The following LEF1 variants were observed in gnomAD, a reference collection of about 807,000 sequenced individuals.
LEF1 encodes lymphoid enhancer-binding factor 1.
A neutral mutation model predicts 51.2 loss-of-function variants in LEF1; 14 were observed. That is an observed-to-expected ratio of 0.27 (90% confidence interval 0.18 to 0.43). The LOEUF is 0.43. LEF1 is among the 20% of genes least tolerant of loss of function. The pLI is 1.00. For synonymous variants in LEF1, 185 were observed against 183.2 expected, an observed-to-expected ratio of 1.01 and a Z score of -0.08; for missense variants, 386 against 512.0, an observed-to-expected ratio of 0.75 and a Z score of 2.37.
At chr4:108,166,884 GC>G in intron 1 of LEF1, 1 of 897,366 alleles carries the variant, frequency 1.1e-6, no homozygotes, top group Non-Finnish European at 1.3e-6. Flanking sequence ...CGGTGGGTCG[GC>G]TCGGCGCACC....
intron 11 of LEF1, among the ~76,000 whole-genome samples, chr4:108,051,611 T>C (rs1238066060): frequency 6.6e-6 from 1 of 152,180 alleles, no homozygotes; most frequent in Non-Finnish European, 1.5e-5. Flanking sequence ...GCGGCTGGGC[T>C]TCAAAGGGAG....
intron 3 of LEF1, among the ~76,000 whole-genome samples, chr4:108,100,300 A>C (rs561243451): frequency 1.3e-5 from 2 of 152,326 alleles, no homozygotes; most frequent in East Asian, 3.9e-4. Context: ...TTATTTCAAA[A>C]AAGAGGAAGC....
chr4:108,051,738 G>A (rs1032743033), intron 11 of LEF1, among the ~76,000 whole-genome samples: 5 of 150,966 alleles, frequency 3.3e-5, no homozygotes, highest in Non-Finnish European at 4.4e-5. Context: ...CCATATAACC[G>A]AACCCCCCTG....
intron 2 of LEF1, 59 bp downstream of exon 2, chr4:108,165,038 T>C (rs774104293): frequency 6.3e-5 from 92 of 1,462,996 alleles, no homozygotes; most frequent in Non-Finnish European, 8.2e-5. Flanking sequence ...AACACACCTA[T>C]TTATACAAAT....
intron 4 of LEF1, among the ~76,000 whole-genome samples, chr4:108,084,942 C>T (rs754636852): frequency 6.6e-6 from 1 of 151,886 alleles, no homozygotes; most frequent in Non-Finnish European, 1.5e-5. Flanking sequence ...ATGGCTCAGT[C>T]GCGGGGATAA....
chr4:108,157,521 G>A (rs1488706185), intron 3 of LEF1, among the ~76,000 whole-genome samples: 1 of 152,138 alleles, frequency 6.6e-6, no homozygotes, highest in Non-Finnish European at 1.5e-5. Context: ...AATTTCATCT[G>A]CAAAACTGTC....
At chr4:108,097,607 G>C (rs1740479754) in intron 3 of LEF1, among the ~76,000 whole-genome samples, 2 of 152,176 alleles carry the variant, frequency 1.3e-5, no homozygotes, top group African/African-American at 4.8e-5. Flanking sequence ...ACAATGAAAT[G>C]ATAGATGCTT....
intron 3 of LEF1, among the ~76,000 whole-genome samples, chr4:108,151,649 A>G (rs2110396257): frequency 6.6e-6 from 1 of 152,306 alleles, no homozygotes; most frequent in South Asian, 2.1e-4. Context: ...ACACAGGGAT[A>G]TCAGAGATAG....
chr4:108,091,179 C>T (rs1017781469), intron 3 of LEF1, among the ~76,000 whole-genome samples: 1 of 152,056 alleles, frequency 6.6e-6, no homozygotes, highest in Admixed American at 6.5e-5. Context: ...GTGCCTAAAA[C>T]TGCACAATGT....
chr4:108,117,193 T>TA (rs1414705008), intron 3 of LEF1, among the ~76,000 whole-genome samples: 5 of 152,206 alleles, frequency 3.3e-5, no homozygotes, highest in African/African-American at 7.2e-5. Flanking sequence ...GAAAAAAACT[T>TA]AGAGATAAAT....
intron 3 of LEF1, among the ~76,000 whole-genome samples, chr4:108,119,863 T>C (rs1262780323): frequency 6.6e-6 from 1 of 152,166 alleles, no homozygotes. Flanking sequence ...ATTTATCATA[T>C]TGGAAACTGA....
intron 3 of LEF1, among the ~76,000 whole-genome samples, chr4:108,130,244 T>G (rs564678411): frequency 2.0e-5 from 3 of 152,278 alleles, no homozygotes; most frequent in South Asian, 2.1e-4. Context: ...AACCAGTTAT[T>G]TAAGACTGCT....
At chr4:108,161,139 G>A (rs1422317881) in intron 3 of LEF1, among the ~76,000 whole-genome samples, 1 of 152,206 alleles carries the variant, frequency 6.6e-6, no homozygotes, top group Non-Finnish European at 1.5e-5. Flanking sequence ...AGGCAGAAGT[G>A]TGGTTAGGGG....
At chr4:108,082,660 T>C (rs1218820421) in intron 5 of LEF1, among the ~76,000 whole-genome samples, 3 of 152,144 alleles carry the variant, frequency 2.0e-5, no homozygotes, top group Non-Finnish European at 2.9e-5. Flanking sequence ...GGAGGAAATG[T>C]TGTGGGTTAA....
chr4:108,102,440 C>T (rs11930947), intron 3 of LEF1, among the ~76,000 whole-genome samples: 8,311 of 152,184 alleles, frequency 0.055, 751 homozygotes, highest in African/African-American at 0.19. Flanking sequence ...ACTCTGTACT[C>T]CTGTGCCTTT....
intron 3 of LEF1, among the ~76,000 whole-genome samples, chr4:108,118,934 A>T (rs1456823231): frequency 6.7e-6 from 1 of 149,160 alleles, no homozygotes; most frequent in African/African-American, 2.5e-5. Flanking sequence ...CTTTCTAACT[A>T]TTTTTTTTTC....
intron 9 of LEF1, among the ~76,000 whole-genome samples, chr4:108,068,866 C>G (rs557849139): frequency 1.3e-5 from 2 of 152,308 alleles, no homozygotes; most frequent in African/African-American, 4.8e-5. Flanking sequence ...CGGCTTCACT[C>G]TTGCTCTTTT....
chr4:108,110,163 A>T (rs1054258148), intron 3 of LEF1, among the ~76,000 whole-genome samples: 1 of 152,206 alleles, frequency 6.6e-6, no homozygotes, highest in Non-Finnish European at 1.5e-5. Flanking sequence ...CCAAGTAGAA[A>T]ATTAACATTC....
intron 3 of LEF1, among the ~76,000 whole-genome samples, chr4:108,102,471 CA>C: frequency 6.6e-6 from 1 of 152,216 alleles, no homozygotes; most frequent in African/African-American, 2.4e-5. Flanking sequence ...GAATCTCTAC[CA>C]CTAAATTAAC....
Sources: allele counts gnomAD v4.1 joint callset (sites outside exome capture counted in the v4.1 genomes callset), GRCh38; gene constraint gnomAD v4.1.1; transcripts MANE v1.5; gene names NCBI Gene and HGNC (gene_info 2026-07-23, HGNC 2026-07-21).